Variants in GAB2 observed in about 807,000 individuals in gnomAD.
The protein encoded by GAB2 is GRB2 associated binding protein 2, also known as GRB2-associated-binding protein 2.
A neutral mutation model predicts 65.5 loss-of-function variants in GAB2; 26 were observed. The observed-to-expected ratio is 0.40, with a 90% CI of 0.29 to 0.55. The LOEUF is 0.55. Ranked by LOEUF, GAB2 falls within the 20% of genes least tolerant of loss-of-function variation. GAB2 has a pLI of 0.53. For synonymous variants in GAB2, 321 were observed against 329.6 expected, an observed-to-expected ratio of 0.97 and a Z score of 0.28; for missense variants, 884 against 875.8, an observed-to-expected ratio of 1.01 and a Z score of -0.12.
chr11:78,411,873 T>C (rs1000237026), intron 1 of GAB2, among the ~76,000 whole-genome samples: 1 of 151,802 alleles, frequency 6.6e-6, no homozygotes, highest in Non-Finnish European at 1.5e-5. Flanking sequence ...CTACTAAAAA[T>C]ACAAAAATGA....
intron 2 of GAB2, among the ~76,000 whole-genome samples, chr11:78,250,611 G>A (rs1424268865): frequency 1.3e-5 from 2 of 152,084 alleles, no homozygotes; most frequent in African/African-American, 4.8e-5. Flanking sequence ...TTCTGGGGTA[G>A]CCTGGAGGTG....
intron 1 of GAB2, among the ~76,000 whole-genome samples, chr11:78,304,237 C>G (rs1398670520): frequency 2.6e-5 from 4 of 152,006 alleles, no homozygotes. Flanking sequence ...AATATTCACC[C>G]CTTTCAAGTA....
At chr11:78,277,354 CCT>C (rs1440928674) in intron 2 of GAB2, among the ~76,000 whole-genome samples, 4 of 152,184 alleles carry the variant, frequency 2.6e-5, no homozygotes, top group Non-Finnish European at 4.4e-5. Context: ...AGGGCAGGAG[CCT>C]CTCCTGCCCC....
intron 9 of GAB2, among the ~76,000 whole-genome samples, chr11:78,220,116 G>A (rs972192999): frequency 6.6e-6 from 1 of 152,158 alleles, no homozygotes; most frequent in African/African-American, 2.4e-5. Context: ...TCTGACTGAG[G>A]GTACTGTGCT....
intron 3 of GAB2, among the ~76,000 whole-genome samples, chr11:78,228,421 G>A (rs1864750276): frequency 6.6e-6 from 1 of 152,182 alleles, no homozygotes; most frequent in Non-Finnish European, 1.5e-5. Context: ...CTCTTGGAGT[G>A]TCTCATCAGA....
chr11:78,219,674 A>G (rs530977244), intron 9 of GAB2, among the ~76,000 whole-genome samples: 1 of 152,278 alleles, frequency 6.6e-6, no homozygotes, highest in Non-Finnish European at 1.5e-5. Flanking sequence ...GGGAGGACCC[A>G]GGCCCTTCCT....
At chr11:78,263,404 C>T (rs546784277) in intron 2 of GAB2, among the ~76,000 whole-genome samples, 5 of 152,170 alleles carry the variant, frequency 3.3e-5, no homozygotes, top group South Asian at 4.2e-4. Context: ...GAGGCCAAGG[C>T]GGGCAGATGA....
At chr11:78,404,462 G>A (rs943540239) in intron 1 of GAB2, among the ~76,000 whole-genome samples, 1 of 152,210 alleles carries the variant, frequency 6.6e-6, no homozygotes, top group Non-Finnish European at 1.5e-5. Flanking sequence ...TGGCAGGATC[G>A]CTTGAGCCTA....
chr11:78,353,501 C>T (rs1591060482), intron 1 of GAB2, among the ~76,000 whole-genome samples: 2 of 152,132 alleles, frequency 1.3e-5, no homozygotes, highest in Admixed American at 6.6e-5. Flanking sequence ...ATTTTACAGA[C>T]TAATGATACG....
At chr11:78,363,556 C>T (rs988012554) in intron 1 of GAB2, among the ~76,000 whole-genome samples, 4 of 152,002 alleles carry the variant, frequency 2.6e-5, no homozygotes, top group African/African-American at 7.2e-5. Flanking sequence ...GGGACCACAA[C>T]CTAGTAAAAG....
rs185520455 is a variant in GAB2, at chr11:78,280,591, G to A, written c.376+10C>T. On this transcript the variant is annotated intron_variant, in intron 2 of 9. Transcript: ENST00000361507. ...CCCCCTATGAGAAAGATCTGTGTGC[G>A]TTCTCATACCTGTGCTCTCCTCAGC... The A allele has an allele frequency of 4.9e-5, 78 of 1,605,080 alleles. 1 individual carries two copies. In the African/African-American group the frequency reaches 6.7e-4, roughly 14 times the overall value.
intron 2 of GAB2, among the ~76,000 whole-genome samples, chr11:78,273,297 A>G (rs1180747335): frequency 2.0e-5 from 3 of 152,234 alleles, no homozygotes; most frequent in Non-Finnish European, 4.4e-5. Context: ...AGCCCATGAA[A>G]TCAGCCAGAA....
In GAB2 at chr11:78,248,972, G is replaced by C. The variant is rs1350594092; in HGVS notation, c.620+1185C>G. On this transcript the variant is annotated intron_variant, in intron 3 of 9. Transcript: ENST00000361507. Reference sequence around the variant, plus strand: ...TCAGCTCTTCATGTATAAGTTGATGGAAGTTGAACTAGTGAAAGTTCACAA... The same window carrying C: ...TCAGCTCTTCATGTATAAGTTGATGCAAGTTGAACTAGTGAAAGTTCACAA... Among the ~76,000 whole-genome samples the C allele has an allele frequency of 4.6e-5, 7 of 152,318 alleles. No individual in the cohort carries two copies. The East Asian group carries it at 1.3e-3, about 29-fold the overall frequency.
rs755125924 is a variant in GAB2, at chr11:78,417,758, G to C, written c.-38C>G. The C allele has an allele frequency of 9.7e-6, 11 of 1,132,018 alleles. No individual in the cohort carries two copies. In the East Asian group the frequency reaches 3.9e-4, roughly 40 times the overall value. The allele number at this position is 1,132,018 out of a possible 1,614,324, so 70.1% of individuals were successfully genotyped here. On this transcript the variant is annotated 5_prime_UTR_variant, in exon 1 of 10. Coordinates refer to ENST00000361507, the MANE Select transcript of GAB2 (RefSeq NM_080491.3). ...GAGCCCCCCGCCGGGTCGCGCGGACGAGGGCGCGGGCTCGGGCAGCTGGGG... is the reference window on the plus strand; with the variant it reads ...GAGCCCCCCGCCGGGTCGCGCGGACCAGGGCGCGGGCTCGGGCAGCTGGGG...
At chr11:78,223,813 G>A (rs1387175017) in intron 5 of GAB2, 137 bp from the exon 6 acceptor site, 5 of 695,606 alleles carry the variant, frequency 7.2e-6, no homozygotes, top group Non-Finnish European at 1.2e-5. Flanking sequence ...AGACCTTGGG[G>A]AGACCAAATA....
chr11:78,323,793 T>TC (rs1474941560), intron 1 of GAB2, among the ~76,000 whole-genome samples: 11 of 124,748 alleles, frequency 8.8e-5, no homozygotes, highest in Admixed American at 6.7e-4. Context: ...AATCTTTCTT[T>TC]TTTTTTTTTT....
At chr11:78,394,348 T>A (rs1346937401) in intron 1 of GAB2, among the ~76,000 whole-genome samples, 1 of 152,096 alleles carries the variant, frequency 6.6e-6, no homozygotes, top group Admixed American at 6.6e-5. Flanking sequence ...CCCAACCATG[T>A]GCTCCTGCAC....
rs569887849 is a variant in GAB2 at position 78,367,821 on chromosome 11, CTTTTTT to C, written c.75+49819_75+49824del. ...TATGTCAGTGCTTAATTTTCTTTTT[CTTTTTT>C]TTTTTTTTTTTTTTTGAGACGGAGT... On this transcript the variant is annotated intron_variant, in intron 1 of 9. Transcript: ENST00000361507. Among the ~76,000 whole-genome samples, 7 of 116,090 alleles carry C rather than the reference CTTTTTT, an allele frequency of 6.0e-5. No homozygotes were observed. The South Asian group carries it at 2.1e-3, about 34-fold the overall frequency. 76.2% of individuals were successfully genotyped at this position (116,090 alleles called of 152,430 possible).
At chr11:78,368,866 T>C (rs1333755729) in intron 1 of GAB2, among the ~76,000 whole-genome samples, 1 of 151,886 alleles carries the variant, frequency 6.6e-6, no homozygotes, top group Non-Finnish European at 1.5e-5. Context: ...TGCTTGAGGC[T>C]AGGAGTTTGA....
Sources: allele counts gnomAD v4.1 joint callset (sites outside exome capture counted in the v4.1 genomes callset), GRCh38; gene constraint gnomAD v4.1.1; transcripts MANE v1.5; gene names NCBI Gene and HGNC (gene_info 2026-07-23, HGNC 2026-07-21).